The following NEDD4L variants were observed in gnomAD, a reference collection of about 807,000 sequenced individuals.
NEDD4L encodes NEDD4 like E3 ubiquitin protein ligase.
Under a neutral mutation model 148.9 loss-of-function variants are expected in NEDD4L, and 54 were observed. The observed-to-expected ratio is 0.36, with a 90% CI of 0.29 to 0.45. The LOEUF (loss-of-function observed/expected upper bound fraction) is 0.45, where lower values mean the gene tolerates loss of function less well. Ranked by LOEUF, NEDD4L falls within the 20% of genes least tolerant of loss-of-function variation. NEDD4L has a pLI of 1.00. For synonymous variants in NEDD4L, 433 were observed against 440.7 expected (o/e 0.98, Z 0.22); for missense variants, 856 against 1,233.8 (o/e 0.69, Z 4.59).
At chr18:58,248,691 G>GGTTTCATACCTATGAAGCATCT (rs1410760765) in intron 3 of NEDD4L, among the ~76,000 whole-genome samples, 4 of 152,032 alleles carry the variant, frequency 2.6e-5, no homozygotes, top group African/African-American at 9.7e-5. Context: ...AGCAGTTTAA[G>GGTTTCATACCTATGAAGCATCT]GTTTCATACC....
rs368243667 is a variant in NEDD4L at position 58,066,387 on chromosome 18, GT to G, written c.48+21702del. Among the ~76,000 whole-genome samples, 160 of 112,120 alleles carry G rather than the reference GT, an allele frequency of 1.4e-3. 1 individual carries two copies. The highest frequency in any genetic ancestry group is 8.1e-3 in the Middle Eastern group (1 of 124). 73.6% of individuals were successfully genotyped at this position (112,120 alleles called of 152,430 possible). On this transcript the variant is annotated intron_variant, in intron 1 of 30. Coordinates refer to ENST00000400345, the MANE Select transcript of NEDD4L (RefSeq NM_001144967.3). ...GTAAATTTAGATCCACTCTGTATTA[GT>G]TTTTTTTTTTTTTTTTTTTTTTAAC...
rs1223994345 is a variant in NEDD4L, at chr18:58,044,573, G to A, written c.-88G>A. 16 of 1,428,678 alleles carry A rather than the reference G, an allele frequency of 1.1e-5. No homozygotes were observed. Among genetic ancestry groups the A allele is most frequent in the Admixed American group, 2.8e-5 (1 of 36,084 alleles). The allele number at this position is 1,428,678 out of a possible 1,614,324, so 88.5% of individuals were successfully genotyped here. A position where few individuals can be genotyped will look rare whatever the true frequency, so the allele number is the denominator to read the frequency against. On this transcript the variant is annotated 5_prime_UTR_variant, in exon 1 of 31. Coordinates refer to ENST00000400345, the MANE Select transcript of NEDD4L (RefSeq NM_001144967.3). ...CGCAGGGTAGGGTGCGGGACCGGGGGGACCTGGAGGCAGAGGGGAGAACCG... is the reference window on the plus strand; with the variant it reads ...CGCAGGGTAGGGTGCGGGACCGGGGAGACCTGGAGGCAGAGGGGAGAACCG...
At chr18:58,085,593 C>T (rs995529282) in intron 1 of NEDD4L, among the ~76,000 whole-genome samples, 4 of 152,108 alleles carry the variant, frequency 2.6e-5, no homozygotes, top group Admixed American at 6.5e-5. Flanking sequence ...GAGATGATGT[C>T]ACAGTTTTGA....
chr18:58,057,626 C>G (rs1598970472), intron 1 of NEDD4L, among the ~76,000 whole-genome samples: 2 of 152,136 alleles, frequency 1.3e-5, no homozygotes, highest in Non-Finnish European at 2.9e-5. Flanking sequence ...CAGGCTTGTT[C>G]CAGCCTTACT....
chr18:58,127,003 T>C (rs761907937), intron 1 of NEDD4L, among the ~76,000 whole-genome samples: 4 of 152,218 alleles, frequency 2.6e-5, no homozygotes, highest in Admixed American at 1.3e-4. Context: ...CTGTCTGCAT[T>C]CCTGTCGGGA....
chr18:58,156,081 A>G (rs941757112), intron 1 of NEDD4L, among the ~76,000 whole-genome samples: 5 of 152,182 alleles, frequency 3.3e-5, no homozygotes, highest in African/African-American at 4.8e-5. Flanking sequence ...GGAGGATTCA[A>G]GCTGGTCCTT....
At chr18:58,272,906 A>G (rs59965374) in intron 5 of NEDD4L, among the ~76,000 whole-genome samples, 20 of 152,320 alleles carry the variant, frequency 1.3e-4, no homozygotes, top group African/African-American at 4.6e-4. Flanking sequence ...AAATACCTAC[A>G]TATTTTCATG....
intron 3 of NEDD4L, 60 bp from the exon 4 acceptor site, chr18:58,248,839 T>C: frequency 1.2e-6 from 1 of 847,624 alleles, no homozygotes; most frequent in Non-Finnish European, 2.0e-6. Flanking sequence ...GACTGTATTG[T>C]ACTAGTAACT....
chr18:58,166,416 C>T (rs2036850087), intron 2 of NEDD4L, among the ~76,000 whole-genome samples: 1 of 152,088 alleles, frequency 6.6e-6, no homozygotes, highest in South Asian at 2.1e-4. Context: ...TTAAATCAGC[C>T]CTTTTGTTCC....
chr18:58,372,146 T>C (rs564807064), intron 23 of NEDD4L: 2 of 152,298 alleles, frequency 1.3e-5, no homozygotes, highest in Admixed American at 6.5e-5. Context: ...TAGAATCTTA[T>C]TCTGTTTGCC....
chr18:58,106,751 A>G (rs552868246), intron 1 of NEDD4L, among the ~76,000 whole-genome samples: 58 of 152,350 alleles, frequency 3.8e-4, no homozygotes, highest in Non-Finnish European at 7.2e-4. Flanking sequence ...TCCTCAAAGC[A>G]ATCATGCAGA....
chr18:58,256,698 G>A lies in NEDD4L; in HGVS notation c.297+4644G>A. 4.9e-6 allele frequency: 6 copies of A among 1,232,156 alleles called. No homozygotes were observed. Among genetic ancestry groups the A allele is most frequent in the Non-Finnish European group, 3.0e-6 (3 of 988,032 alleles). The allele number at this position is 1,232,156 out of a possible 1,614,324, so 76.3% of individuals were successfully genotyped here. On this transcript the variant is annotated intron_variant, in intron 5 of 30. Coordinates refer to ENST00000400345, the MANE Select transcript of NEDD4L (RefSeq NM_001144967.3). The surrounding 1 kb of genome is among the most constrained non-coding windows in gnomAD (Gnocchi z 5.2). ...CAGCATTTTAGAATTCTTGTAACCC[G>A]GGGGCCGGAAGAAGCTCCCCAGAAT...
At chr18:58,106,071 A>T (rs1399877570) in intron 1 of NEDD4L, among the ~76,000 whole-genome samples, 1 of 152,214 alleles carries the variant, frequency 6.6e-6, no homozygotes, top group Non-Finnish European at 1.5e-5. Flanking sequence ...CAGGCTGTTG[A>T]TGTGGAGAGT....
intron 1 of NEDD4L, among the ~76,000 whole-genome samples, chr18:58,082,519 C>T (rs2145140635): frequency 6.6e-6 from 1 of 151,678 alleles, no homozygotes; most frequent in Non-Finnish European, 1.5e-5. Context: ...TGCCTGTAAT[C>T]CCAGCACTTT....
chr18:58,084,092 T>C (rs964676119), intron 1 of NEDD4L, among the ~76,000 whole-genome samples: 1 of 152,198 alleles, frequency 6.6e-6, no homozygotes, highest in Admixed American at 6.5e-5. Flanking sequence ...ACAAAATGCA[T>C]AAACCTGGAA....
intron 2 of NEDD4L, among the ~76,000 whole-genome samples, chr18:58,223,057 C>A (rs1006635381): frequency 6.9e-6 from 1 of 145,568 alleles, no homozygotes. Flanking sequence ...TTTTTTAAAC[C>A]TTTTTTAATG....
At chr18:58,217,744 C>T (rs1413291738) in intron 2 of NEDD4L, among the ~76,000 whole-genome samples, 1 of 152,116 alleles carries the variant, frequency 6.6e-6, no homozygotes, top group Non-Finnish European at 1.5e-5. Flanking sequence ...GCCAAATAGC[C>T]ACAGGGATAT....
chr18:58,318,509 G>T (rs143864021), intron 6 of NEDD4L, among the ~76,000 whole-genome samples: 2,023 of 152,318 alleles, frequency 0.013, 5 homozygotes, highest in Non-Finnish European at 0.02. Context: ...CTGAGCCGTG[G>T]TTGTACCACT....
chr18:58,255,725 G>A (rs954106471), intron 5 of NEDD4L: 9 of 1,232,290 alleles, frequency 7.3e-6, no homozygotes, highest in Non-Finnish European at 9.1e-6. Flanking sequence ...GGAGAGAGAA[G>A]ACGACTTCTT....
Sources: gnomAD v4.1 joint callset for allele counts (sites outside exome capture counted in the v4.1 genomes callset) on GRCh38, gnomAD v4.1.1 for gene constraint, Gnocchi (gnomAD v3.1) non-coding constraint, MANE v1.5 for transcripts, NCBI Gene and HGNC (gene_info 2026-07-23, HGNC 2026-07-21) for gene names.